The following RAB11A variants were observed in gnomAD, a reference collection of about 807,000 sequenced individuals.
RAB11A encodes the protein RAB11A, member RAS oncogene family, also known as ras-related protein Rab-11A.
In RAB11A, 9 loss-of-function variants were observed where a neutral mutation model predicts 28.0. The ratio of observed to expected loss-of-function variants is 0.32; its 90% CI spans 0.19 to 0.56. The LOEUF is 0.56. RAB11A is among the 20% of genes least tolerant of loss of function. The pLI is 0.91. For missense variants in RAB11A, 108 were observed against 269.6 expected, an observed-to-expected ratio of 0.40 and a Z score of 4.20; for synonymous variants, 85 against 88.2, an observed-to-expected ratio of 0.96 and a Z score of 0.20.
intron 1 of RAB11A, among the ~76,000 whole-genome samples, chr15:65,876,741 G>GT (rs1404537061): frequency 6.6e-6 from 1 of 152,086 alleles, no homozygotes; most frequent in Non-Finnish European, 1.5e-5. Context: ...GGTCATTTTA[G>GT]TTTCTGTGAT....
intron 1 of RAB11A, among the ~76,000 whole-genome samples, chr15:65,869,833 C>T (rs932910127): frequency 6.6e-6 from 1 of 152,210 alleles, no homozygotes; most frequent in Non-Finnish European, 1.5e-5. Flanking sequence ...AGCGACCTCT[C>T]CATAGGCCTT....
chr15:65,870,222 C>T (rs117220954), intron 1 of RAB11A: 3,807 of 152,650 alleles, frequency 0.025, 74 homozygotes, highest in Non-Finnish European at 0.037. Context: ...GGCCAAGGGC[C>T]TCCGCCCCCA....
chr15:65,873,792 G>A (rs778190419), intron 1 of RAB11A, among the ~76,000 whole-genome samples: 4 of 151,214 alleles, frequency 2.6e-5, no homozygotes, highest in East Asian at 3.9e-4. Flanking sequence ...GTCTCCCTAC[G>A]TTGCCCAGGC....
At chr15:65,880,976 C>T (rs1296067007) in intron 4 of RAB11A, among the ~76,000 whole-genome samples, 2 of 152,158 alleles carry the variant, frequency 1.3e-5, no homozygotes, top group African/African-American at 4.8e-5. Context: ...AAATGAGTAC[C>T]TGTAAAGTAC....
At chr15:65,887,578 G>A (rs2078262879) in intron 4 of RAB11A, 123 bp from the exon 5 acceptor site, 3 of 881,990 alleles carry the variant, frequency 3.4e-6, no homozygotes, top group Middle Eastern at 2.5e-4. Flanking sequence ...TTAAATTTAT[G>A]TATTCTCTGT....
chr15:65,877,248 C>A lies in RAB11A; in HGVS notation c.41-84C>A. On this transcript the variant is annotated intron_variant, in intron 1 of 4. Coordinates refer to ENST00000261890, the MANE Select transcript of RAB11A (RefSeq NM_004663.5). This position sits in a 1 kb window ranked among gnomAD's most constrained non-coding sequence, Gnocchi z 4.1. The stretch of plus-strand genomic sequence containing the variant: ...TTTTCTTGCTTTATTTACTCTGAAG[C>A]CAAACTTCATTCTGTTGAAAGCATA... 8.4e-7 allele frequency: 1 copy of A among 1,189,754 alleles called. No individual in the cohort carries two copies. The highest frequency in any genetic ancestry group is 1.2e-6 in the Non-Finnish European group (1 of 853,496). The allele number at this position is 1,189,754 out of a possible 1,614,324, so 73.7% of individuals were successfully genotyped here.
In RAB11A at chr15:65,887,622, C is replaced by T. The variant is rs780892323; in HGVS notation, c.512-79C>T. 2.2e-6 allele frequency: 3 copies of T among 1,366,016 alleles called. No homozygotes were observed. The East Asian group carries it at 7.6e-5, about 35-fold the overall frequency. The allele number at this position is 1,366,016 out of a possible 1,614,324, so 84.6% of individuals were successfully genotyped here. On this transcript the variant is annotated intron_variant, in intron 4 of 4. Transcript: ENST00000261890. Reference sequence around the variant, plus strand: ...CTTAGGGACTTTGATGCAAATATATCTCCTACCTTTATGTATCTTTTATCC... The same window carrying T: ...CTTAGGGACTTTGATGCAAATATATTTCCTACCTTTATGTATCTTTTATCC...
chr15:65,871,111 G>A (rs1270711951), intron 1 of RAB11A, among the ~76,000 whole-genome samples: 1 of 152,182 alleles, frequency 6.6e-6, no homozygotes, highest in Admixed American at 6.5e-5. Flanking sequence ...GACTGTTTCT[G>A]TCTTTGCCAT....
chr15:65,879,822 C>G, intron 4 of RAB11A, 71 bp downstream of exon 4: 1 of 1,175,738 alleles, frequency 8.5e-7, no homozygotes, highest in Admixed American at 2.0e-5. Context: ...ACAAACTAAT[C>G]AGTAACTAAA....
chr15:65,878,777 C>T (rs934661898), intron 3 of RAB11A, among the ~76,000 whole-genome samples: 11 of 152,298 alleles, frequency 7.2e-5, no homozygotes, highest in Admixed American at 2.0e-4. Context: ...TTTAAATTTC[C>T]CATGCAAGAA....
chr15:65,882,938 A>G (rs2078231775), intron 4 of RAB11A, among the ~76,000 whole-genome samples: 1 of 152,172 alleles, frequency 6.6e-6, no homozygotes, highest in Non-Finnish European at 1.5e-5. Flanking sequence ...CTTCACCCAT[A>G]TTCCTCAGAT....
intron 3 of RAB11A, among the ~76,000 whole-genome samples, chr15:65,878,919 C>T (rs964484395): frequency 2.0e-5 from 3 of 151,604 alleles, no homozygotes; most frequent in African/African-American, 4.9e-5. Context: ...TGGTGTCATT[C>T]GTCACTAGTG....
intron 4 of RAB11A, among the ~76,000 whole-genome samples, chr15:65,880,884 T>A (rs2078218155): frequency 6.6e-6 from 1 of 152,230 alleles, no homozygotes; most frequent in Admixed American, 6.5e-5. Flanking sequence ...GTGATAGGAT[T>A]TGACTTGACT....
chr15:65,869,658 C>T (rs1567135452), intron 1 of RAB11A, 33 bp downstream of exon 1: 5 of 1,597,628 alleles, frequency 3.1e-6, no homozygotes, highest in East Asian at 2.2e-5. Context: ...TCTACACAGT[C>T]CTCGTTCGGG....
At chr15:65,870,283 C>T (rs1037262130) in intron 1 of RAB11A, among the ~76,000 whole-genome samples, 1 of 152,336 alleles carries the variant, frequency 6.6e-6, no homozygotes, top group Admixed American at 6.5e-5. Flanking sequence ...ACCGCTCCCT[C>T]TCCCACTCCC....
chr15:65,877,189 A>AC lies in RAB11A; in HGVS notation c.41-138dup. The AC allele has an allele frequency of 1.5e-6, 1 of 655,548 alleles. No individual in the cohort carries two copies. Among genetic ancestry groups the AC allele is most frequent in the Non-Finnish European group, 2.6e-6 (1 of 384,040 alleles). The allele number at this position is 655,548 out of a possible 1,614,324, so 40.6% of individuals were successfully genotyped here. A position where few individuals can be genotyped will look rare whatever the true frequency, so the allele number is the denominator to read the frequency against. The stretch of plus-strand genomic sequence containing the variant: ...TCAAGAACATGCTGTTCAACCCCCT[A>AC]CCCCCATTCCTTTTTAAAAGTCATA... On this transcript the variant is annotated intron_variant, in intron 1 of 4. Coordinates refer to ENST00000261890, the MANE Select transcript of RAB11A (RefSeq NM_004663.5). This position sits in a 1 kb window ranked among gnomAD's most constrained non-coding sequence, Gnocchi z 4.1.
intron 1 of RAB11A, among the ~76,000 whole-genome samples, chr15:65,875,261 ATGTATTTTTTG>A (rs2078185333): frequency 6.6e-6 from 1 of 151,514 alleles, no homozygotes; most frequent in South Asian, 2.1e-4. Flanking sequence ...GTATTTATTC[ATGTATTTTTTG>A]TGTATTTTTT....
chr15:65,887,012 C>T (rs1040663798), intron 4 of RAB11A, among the ~76,000 whole-genome samples: 1 of 152,036 alleles, frequency 6.6e-6, no homozygotes, highest in African/African-American at 2.4e-5. Context: ...CTGCCGAATG[C>T]GTCTGATAGT....
chr15:65,875,318 A>G (rs1224543575), intron 1 of RAB11A, among the ~76,000 whole-genome samples: 3 of 152,030 alleles, frequency 2.0e-5, no homozygotes, highest in Non-Finnish European at 4.4e-5. Context: ...AAGTGATTCA[A>G]AGGCCATTTC....
Sources: gnomAD v4.1 joint callset for allele counts (sites outside exome capture counted in the v4.1 genomes callset) on GRCh38, gnomAD v4.1.1 for gene constraint, Gnocchi (gnomAD v3.1) non-coding constraint, MANE v1.5 for transcripts, NCBI Gene and HGNC (gene_info 2026-07-23, HGNC 2026-07-21) for gene names.